Variants in KIF26B observed in about 807,000 individuals in gnomAD.
The protein encoded by KIF26B is kinesin-like protein KIF26B.
In KIF26B, 63 loss-of-function variants were observed where a neutral mutation model predicts 151.2. The ratio of observed to expected loss-of-function variants is 0.42; its 90% confidence interval spans 0.34 to 0.51. The LOEUF (loss-of-function observed/expected upper bound fraction) is 0.51, where lower values mean the gene tolerates loss of function less well. KIF26B is among the 20% of genes least tolerant of loss of function. The pLI is 0.07. For synonymous variants in KIF26B, 1,357 were observed against 1,262.1 expected, an observed-to-expected ratio of 1.08 and a Z score of -1.59; for missense variants, 2,813 against 2,913.6, an observed-to-expected ratio of 0.97 and a Z score of 0.79.
chr1:245,304,873 T>TAA (rs200464279), intron 2 of KIF26B, among the ~76,000 whole-genome samples: 16 of 147,664 alleles, frequency 1.1e-4, no homozygotes, highest in African/African-American at 3.7e-4. Flanking sequence ...GACCCATCTT[T>TAA]AAAAAAAAAA....
At chr1:245,535,489 A>G (rs1347584587) in intron 4 of KIF26B, among the ~76,000 whole-genome samples, 4 of 152,224 alleles carry the variant, frequency 2.6e-5, no homozygotes, top group Non-Finnish European at 5.9e-5. Flanking sequence ...TCCAGGAGTC[A>G]TTGCAGAATC....
intron 9 of KIF26B, among the ~76,000 whole-genome samples, chr1:245,625,139 T>C (rs558416256): frequency 6.6e-6 from 1 of 152,338 alleles, no homozygotes; most frequent in East Asian, 1.9e-4. Context: ...TTTACACCAA[T>C]ACCACACTGT....
At chr1:245,421,658 A>C (rs572183388) in intron 4 of KIF26B, among the ~76,000 whole-genome samples, 1 of 152,324 alleles carries the variant, frequency 6.6e-6, no homozygotes, top group South Asian at 2.1e-4. Flanking sequence ...ATTTTACAGA[A>C]GGTTGACTGA....
At chr1:245,261,044 C>T (rs1421731022) in intron 2 of KIF26B, among the ~76,000 whole-genome samples, 1 of 150,762 alleles carries the variant, frequency 6.6e-6, no homozygotes, top group African/African-American at 2.5e-5. Context: ...TCTTTCTTTT[C>T]TTTCTCTCTC....
intron 2 of KIF26B, among the ~76,000 whole-genome samples, chr1:245,183,508 T>A (rs1234154946): frequency 6.6e-6 from 1 of 152,202 alleles, no homozygotes; most frequent in Non-Finnish European, 1.5e-5. Context: ...CTCATTCAGG[T>A]TTCAAGAAAA....
chr1:245,383,943 G>A (rs1673477130), intron 3 of KIF26B, among the ~76,000 whole-genome samples: 2 of 152,188 alleles, frequency 1.3e-5, no homozygotes, highest in Non-Finnish European at 2.9e-5. Flanking sequence ...TGTATCAGCT[G>A]TTGAAATGGC....
chr1:245,161,950 A>G (rs951563334), intron 2 of KIF26B, among the ~76,000 whole-genome samples: 9 of 151,930 alleles, frequency 5.9e-5, no homozygotes, highest in African/African-American at 2.2e-4. Flanking sequence ...GAGTTGAGGA[A>G]TTGTCTTGGC....
intron 4 of KIF26B, among the ~76,000 whole-genome samples, chr1:245,441,614 G>A (rs759381935): frequency 6.6e-6 from 1 of 152,050 alleles, no homozygotes; most frequent in Non-Finnish European, 1.5e-5. Context: ...CGCAGACCCC[G>A]GGAAGAGGAA....
rs1317958424 is a variant in KIF26B at position 245,239,603 on chromosome 1, A to G, written c.465+82920A>G. ...ACTGCAACCTCTGCCTCCTAGGTTC[A>G]AGCAATTCTTCTGCTTTGGCCTCCA... On this transcript the variant is annotated intron_variant, in intron 2 of 14. Coordinates refer to ENST00000407071, the MANE Select transcript of KIF26B (RefSeq NM_018012.4). This position sits in a 1 kb window ranked among gnomAD's most constrained non-coding sequence, Gnocchi z 4.3. Among the ~76,000 whole-genome samples, 1 of 152,062 alleles carries G rather than the reference A, an allele frequency of 6.6e-6. No homozygotes were observed. The highest frequency in any genetic ancestry group is 2.4e-5 in the African/African-American group (1 of 41,412).
intron 2 of KIF26B, among the ~76,000 whole-genome samples, chr1:245,164,539 C>T (rs931736543): frequency 6.6e-6 from 1 of 152,218 alleles, no homozygotes; most frequent in Non-Finnish European, 1.5e-5. Context: ...GTAAGCGTTC[C>T]AGCCACAGGA....
chr1:245,629,968 C>G (rs759233195), intron 9 of KIF26B, among the ~76,000 whole-genome samples: 4 of 152,060 alleles, frequency 2.6e-5, no homozygotes, highest in East Asian at 3.9e-4. Flanking sequence ...ATGTGGCCAA[C>G]AAACATGAAA....
At chr1:245,269,487 C>T (rs71636531) in intron 2 of KIF26B, among the ~76,000 whole-genome samples, 21,487 of 151,162 alleles carry the variant, frequency 0.14, 1,701 homozygotes, top group Middle Eastern at 0.19. Flanking sequence ...TTTTTTGAGA[C>T]GGAGGTTAGC....
intron 3 of KIF26B, among the ~76,000 whole-genome samples, chr1:245,370,379 A>G (rs1463243809): frequency 1.3e-5 from 2 of 151,814 alleles, no homozygotes; most frequent in African/African-American, 2.4e-5. Context: ...CATTACTTTC[A>G]ATGGCAAAAA....
At chr1:245,243,893 G>T (rs920746379) in intron 2 of KIF26B, among the ~76,000 whole-genome samples, 2 of 151,748 alleles carry the variant, frequency 1.3e-5, no homozygotes, top group African/African-American at 4.8e-5. Context: ...GAAAGGAAAG[G>T]AAAGGAAAAG....
chr1:245,244,723 C>T lies in KIF26B; in HGVS notation c.465+88040C>T, dbSNP rs1256751731. ...AACCAGACTTCAAACTATCTGAAAACGTTTGTGAGAAGGAACACACAGACA... is the reference window on the plus strand; with the variant it reads ...AACCAGACTTCAAACTATCTGAAAATGTTTGTGAGAAGGAACACACAGACA... On this transcript the variant is annotated intron_variant, in intron 2 of 14. Transcript: ENST00000407071. The surrounding 1 kb of genome is among the most constrained non-coding windows in gnomAD (Gnocchi z 4.2). Among the ~76,000 whole-genome samples, 3 of 144,676 alleles carry T rather than the reference C, an allele frequency of 2.1e-5. No homozygotes were observed. Among genetic ancestry groups the T allele is most frequent in the Non-Finnish European group, 3.0e-5 (2 of 65,998 alleles). 94.9% of individuals were successfully genotyped at this position (144,676 alleles called of 152,430 possible).
intron 6 of KIF26B, among the ~76,000 whole-genome samples, chr1:245,603,166 G>T (rs2043415573): frequency 6.6e-6 from 1 of 152,012 alleles, no homozygotes; most frequent in Non-Finnish European, 1.5e-5. Flanking sequence ...GTGTTTCAGG[G>T]AGCTGATTAG....
chr1:245,248,859 GA>G (rs1299179077), intron 2 of KIF26B, among the ~76,000 whole-genome samples: 1 of 152,208 alleles, frequency 6.6e-6, no homozygotes, highest in East Asian at 1.9e-4. Context: ...CCTCCGAGTG[GA>G]AACCAGTCAG....
chr1:245,646,799 G>C (rs1317645818), intron 10 of KIF26B, among the ~76,000 whole-genome samples: 1 of 152,150 alleles, frequency 6.6e-6, no homozygotes, highest in African/African-American at 2.4e-5. Context: ...CCAATCTCGG[G>C]AGTTCAGAAA....
At chr1:245,498,099 T>C (rs1484633377) in intron 4 of KIF26B, among the ~76,000 whole-genome samples, 1 of 152,254 alleles carries the variant, frequency 6.6e-6, no homozygotes, top group African/African-American at 2.4e-5. Flanking sequence ...TTTATTATTA[T>C]CCATCAAATT....
Sources: allele counts gnomAD v4.1 joint callset (sites outside exome capture counted in the v4.1 genomes callset), GRCh38; gene constraint gnomAD v4.1.1; non-coding constraint Gnocchi (gnomAD v3.1); transcripts MANE v1.5; gene names NCBI Gene and HGNC (gene_info 2026-07-23, HGNC 2026-07-21).